ZNF385D: variants seen among roughly 807,000 people sequenced by gnomAD.
ZNF385D encodes zinc finger protein 659.
Under a neutral mutation model 35.8 loss-of-function variants are expected in ZNF385D, and 15 were observed. That is an observed-to-expected ratio of 0.42 (90% confidence interval 0.28 to 0.64). The LOEUF (loss-of-function observed/expected upper bound fraction) is 0.64, where lower values mean the gene tolerates loss of function less well. ZNF385D is among the 30% of genes least tolerant of loss of function. The probability of loss-of-function intolerance (pLI) is 0.23; values close to 1 mark genes in which losing one functional copy is unlikely to be tolerated. For synonymous variants in ZNF385D, 212 were observed against 186.8 expected, an observed-to-expected ratio of 1.13 and a Z score of -1.10; for missense variants, 474 against 494.6, an observed-to-expected ratio of 0.96 and a Z score of 0.39.
rs149313210 is a variant in ZNF385D at position 22,210,240 on chromosome 3, A to G, written c.107-41205T>C. ...ATATAGCTTCAAATGTTAAACACAT[A>G]TCATTTTTACATTAATTAATACCTT... On this transcript the variant is annotated intron_variant, in intron 2 of 5. Coordinates refer to the ZNF385D transcript ENST00000494108. Among the ~76,000 whole-genome samples the G allele has an allele frequency of 1.6e-3, 237 of 152,010 alleles. 2 individuals are homozygous for G. Among genetic ancestry groups the G allele is most frequent in the African/African-American group, 5.3e-3 (222 of 41,548 alleles).
chr3:21,810,679 C>A (rs913688823), intron 3 of ZNF385D, among the ~76,000 whole-genome samples: 4 of 151,814 alleles, frequency 2.6e-5, no homozygotes, highest in African/African-American at 7.3e-5. Context: ...TGAAATGTAC[C>A]TTGTTTTAAA....
chr3:21,750,095 A>T (rs1299273670), intron 1 of ZNF385D, among the ~76,000 whole-genome samples: 1 of 152,226 alleles, frequency 6.6e-6, no homozygotes, highest in East Asian at 1.9e-4. Flanking sequence ...TTCAGTCCTT[A>T]TCTTTGACTT....
intron 2 of ZNF385D, among the ~76,000 whole-genome samples, chr3:22,231,904 G>C (rs935761391): frequency 6.6e-6 from 1 of 152,026 alleles, no homozygotes; most frequent in Non-Finnish European, 1.5e-5. Flanking sequence ...GGTTGTTTAA[G>C]AGTATATGGC....
intron 3 of ZNF385D, among the ~76,000 whole-genome samples, chr3:22,067,092 G>T (rs1029483462): frequency 6.6e-6 from 1 of 152,162 alleles, no homozygotes; most frequent in African/African-American, 2.4e-5. Flanking sequence ...ATTTACATTA[G>T]TTAGAAGCTG....
chr3:21,838,306 A>T (rs1695451553), intron 3 of ZNF385D, among the ~76,000 whole-genome samples: 1 of 152,114 alleles, frequency 6.6e-6, no homozygotes, highest in Non-Finnish European at 1.5e-5. Context: ...TTTTCAAGAC[A>T]GGTACTTGGA....
rs563166842 is a variant in ZNF385D, at chr3:21,855,973, T to C, written c.326-190945A>G. On this transcript the variant is annotated intron_variant, in intron 3 of 5. Coordinates refer to the ZNF385D transcript ENST00000494108. ...GGATGAAATCTGTCTATCAATCACT[T>C]ATCTATCCTCTAAGTTTATGTGTAA... Among the ~76,000 whole-genome samples the C allele has an allele frequency of 1.7e-3, 254 of 152,180 alleles. 2 individuals carry two copies. The highest frequency in any genetic ancestry group is 2.9e-3 in the Non-Finnish European group (194 of 67,958).
At chr3:22,175,102 T>A (rs1576446819) in intron 2 of ZNF385D, among the ~76,000 whole-genome samples, 1 of 151,834 alleles carries the variant, frequency 6.6e-6, no homozygotes, top group Non-Finnish European at 1.5e-5. Context: ...AGAAGGGGAG[T>A]TGTAATTTGT....
chr3:22,088,016 G>T (rs115286538), intron 3 of ZNF385D, among the ~76,000 whole-genome samples: 1 of 152,186 alleles, frequency 6.6e-6, no homozygotes, highest in African/African-American at 2.4e-5. Context: ...TTAGTGATCA[G>T]CTGTTGACAC....
chr3:22,356,270 G>A (rs1281802266), intron 2 of ZNF385D, among the ~76,000 whole-genome samples: 2 of 151,916 alleles, frequency 1.3e-5, no homozygotes, highest in Non-Finnish European at 2.9e-5. Flanking sequence ...GTCTACACAT[G>A]AAACAGCAAA....
chr3:21,971,573 C>T (rs1235828900), intron 3 of ZNF385D, among the ~76,000 whole-genome samples: 8 of 150,204 alleles, frequency 5.3e-5, no homozygotes, highest in Non-Finnish European at 8.9e-5. Flanking sequence ...GAAGAGATGG[C>T]CAAAAAAATG....
intron 4 of ZNF385D, among the ~76,000 whole-genome samples, chr3:21,505,165 G>A (rs969329515): frequency 6.6e-6 from 1 of 152,068 alleles, no homozygotes; most frequent in Non-Finnish European, 1.5e-5. Flanking sequence ...GTCAGGATGA[G>A]GACTGGTTTT....
chr3:22,333,497 A>G (rs1339836760), intron 2 of ZNF385D, among the ~76,000 whole-genome samples: 1 of 151,878 alleles, frequency 6.6e-6, no homozygotes, highest in Non-Finnish European at 1.5e-5. Context: ...TTTGGATCGT[A>G]TAATTCCTAT....
intron 3 of ZNF385D, among the ~76,000 whole-genome samples, chr3:21,559,177 A>G (rs1347407740): frequency 6.6e-6 from 1 of 152,034 alleles, no homozygotes; most frequent in Non-Finnish European, 1.5e-5. Context: ...TTTAAGGTTA[A>G]TATTGTTATG....
rs546044273 is a variant in ZNF385D, at chr3:21,480,676, C to T, written c.439+30185G>A. Reference sequence around the variant, plus strand: ...ACACATATGGCCTGATTCATTAGTACGTTATTTGATTGACATTCGATATTC... The same window carrying T: ...ACACATATGGCCTGATTCATTAGTATGTTATTTGATTGACATTCGATATTC... On this transcript the variant is annotated intron_variant, in intron 4 of 7. Transcript: ENST00000281523. Among the ~76,000 whole-genome samples, 5 of 152,232 alleles carry T rather than the reference C, an allele frequency of 3.3e-5. No individual in the cohort carries two copies. In the East Asian group the frequency reaches 5.8e-4, roughly 18 times the overall value.
intron 2 of ZNF385D, among the ~76,000 whole-genome samples, chr3:22,232,798 C>T (rs1698972688): frequency 1.3e-5 from 2 of 152,104 alleles, no homozygotes; most frequent in South Asian, 4.1e-4. Context: ...TGTGGCTTCA[C>T]TTTCCTACAA....
At chr3:21,886,875 C>G (rs1428973272) in intron 3 of ZNF385D, among the ~76,000 whole-genome samples, 1 of 152,142 alleles carries the variant, frequency 6.6e-6, no homozygotes, top group South Asian at 2.1e-4. Context: ...ATTGGATCAG[C>G]AGTGCCCCCG....
intron 1 of ZNF385D, among the ~76,000 whole-genome samples, chr3:21,730,527 C>G (rs1305841814): frequency 6.6e-6 from 1 of 152,186 alleles, no homozygotes; most frequent in Non-Finnish European, 1.5e-5. Context: ...ATTCCACATA[C>G]AGTTTAGAGC....
chr3:21,798,454 A>T (rs1488156737), intron 3 of ZNF385D, among the ~76,000 whole-genome samples: 1 of 152,110 alleles, frequency 6.6e-6, no homozygotes, highest in Non-Finnish European at 1.5e-5. Flanking sequence ...TTGGGTCCTT[A>T]CCATTGGTCC....
Position 22,313,619 on chromosome 3 carries a change from C to T in ZNF385D, c.106+58831G>A, listed in dbSNP as rs189909916. ...GGGAAAAAAATAACTTAAGCTAAGG[C>T]AAAGTGATACAAGTGTATAATTCAT... is the stretch of plus-strand genomic sequence containing the variant. On this transcript the variant is annotated intron_variant, in intron 2 of 5. Transcript: ENST00000494108. 4.8e-3 allele frequency among the ~76,000 whole-genome samples: 722 copies of T among 151,976 alleles called. 11 individuals carry two copies. In the South Asian group the frequency reaches 0.049, roughly 10 times the overall value.
Sources: gnomAD v4.1 joint callset for allele counts (sites outside exome capture counted in the v4.1 genomes callset) on GRCh38, gnomAD v4.1.1 for gene constraint, MANE v1.5 for transcripts, NCBI Gene and HGNC (gene_info 2026-07-23, HGNC 2026-07-21) for gene names.